Variants in ZDHHC1 observed in about 807,000 individuals in gnomAD.
ZDHHC1 encodes zDHHC palmitoyltransferase 1, also known as palmitoyltransferase ZDHHC1.
A neutral mutation model predicts 46.9 loss-of-function variants in ZDHHC1; 45 were observed. That is an observed-to-expected ratio of 0.96 (90% CI 0.76 to 1.23). ZDHHC1 has a LOEUF of 1.23. Ranked by LOEUF, ZDHHC1 falls within the 50% of genes most tolerant of loss-of-function variation. The pLI is 0.00. For synonymous variants in ZDHHC1, 291 were observed against 286.0 expected (o/e 1.02, Z -0.18); for missense variants, 649 against 670.8 (o/e 0.97, Z 0.36).
At chr16:67,402,749 C>T (rs1011370113) in intron 3 of ZDHHC1, among the ~76,000 whole-genome samples, 1 of 152,094 alleles carries the variant, frequency 6.6e-6, no homozygotes, top group Non-Finnish European at 1.5e-5. Context: ...GCCTCAGCCT[C>T]CCGAGTAGCT....
Position 67,394,808 on chromosome 16 carries a change from GGCGCCGGC to G in ZDHHC1, c.1243_1250del (p.Ala415LeufsTer81). Reference sequence around the variant, plus strand: ...CGGACTCTGCCGACGCCGAGTGGTAGGCGCCGGCAGGGCCAGCGGCGTGCACAGGGCTG... The same window carrying G: ...CGGACTCTGCCGACGCCGAGTGGTAGAGGGCCAGCGGCGTGCACAGGGCTG... On this transcript the variant is annotated frameshift_variant, in exon 12 of 12. Coordinates refer to ENST00000565726, the MANE Select transcript of ZDHHC1 (RefSeq NM_001323627.2). LOFTEE classifies it low-confidence loss of function (END_TRUNC). The G allele has an allele frequency of 6.5e-7, 1 of 1,526,938 alleles. No homozygotes were observed. 94.6% of individuals were successfully genotyped at this position (1,526,938 alleles called of 1,614,324 possible).
chr16:67,414,352 C>T (rs1018720208), intron 1 of ZDHHC1, among the ~76,000 whole-genome samples: 7 of 152,180 alleles, frequency 4.6e-5, no homozygotes, highest in African/African-American at 7.2e-5. Context: ...TTTACAAACC[C>T]GTCTCCCACA....
At chr16:67,402,568 G>A (rs1299988198) in intron 3 of ZDHHC1, among the ~76,000 whole-genome samples, 2 of 152,104 alleles carry the variant, frequency 1.3e-5, no homozygotes, top group South Asian at 4.1e-4. Context: ...GGCATTGAGG[G>A]ATACGGCAGG....
intron 3 of ZDHHC1, among the ~76,000 whole-genome samples, chr16:67,403,377 C>T (rs1397082593): frequency 6.6e-6 from 1 of 152,150 alleles, no homozygotes; most frequent in East Asian, 1.9e-4. Context: ...TGTTAACTAT[C>T]CTTCAATTCA....
At position 67,394,220 on chromosome 16, in the gene ZDHHC1, C is replaced by T. The variant is rs2040369277; in HGVS notation, c.*390G>A. ...TTTCTCTCGGCCTCCCAGTGCAAAG[C>T]CCATCTTTAAGAAAAATAACCTCCT... On this transcript the variant is annotated 3_prime_UTR_variant, in exon 12 of 12. Coordinates refer to ENST00000565726, the MANE Select transcript of ZDHHC1 (RefSeq NM_001323627.2). 6.6e-6 allele frequency among the ~76,000 whole-genome samples: 1 copy of T among 152,222 alleles called. No homozygotes were observed. Among genetic ancestry groups the T allele is most frequent in the African/African-American group, 2.4e-5 (1 of 41,472 alleles).
intron 3 of ZDHHC1, among the ~76,000 whole-genome samples, chr16:67,403,903 C>T (rs977174374): frequency 3.3e-5 from 5 of 152,162 alleles, no homozygotes; most frequent in Admixed American, 6.5e-5. Flanking sequence ...TGTGAACCAT[C>T]GCGCCCGGCC....
chr16:67,410,403 A>G (rs2040731465), intron 1 of ZDHHC1, among the ~76,000 whole-genome samples: 1 of 152,142 alleles, frequency 6.6e-6, no homozygotes, highest in South Asian at 2.1e-4. Context: ...GCCACAGAAC[A>G]AACCATAGAG....
chr16:67,415,425 C>T (rs1330011363), intron 1 of ZDHHC1, among the ~76,000 whole-genome samples: 3 of 151,484 alleles, frequency 2.0e-5, no homozygotes, highest in Non-Finnish European at 1.5e-5. Flanking sequence ...CACCACAGCA[C>T]TCCAGCCTGG....
chr16:67,398,154 G>A (rs1056173396), intron 8 of ZDHHC1, 58 bp downstream of exon 8: 24 of 1,536,352 alleles, frequency 1.6e-5, no homozygotes, highest in South Asian at 2.3e-5. Context: ...CTGGCTGCTC[G>A]CTGCACAGCC....
Position 67,394,375 on chromosome 16 carries a change from C to T in ZDHHC1, c.*235G>A, listed in dbSNP as rs2040372034. 1 of 207,628 alleles carries T rather than the reference C, an allele frequency of 4.8e-6. No individual in the cohort carries two copies. Among genetic ancestry groups the T allele is most frequent in the African/African-American group, 2.3e-5 (1 of 42,796 alleles). The allele number at this position is 207,628 out of a possible 1,614,324, so 12.9% of individuals were successfully genotyped here. On this transcript the variant is annotated 3_prime_UTR_variant, in exon 12 of 12. Transcript: ENST00000565726. ...CGGTCCACTGGCCAGGGTCGGGCTT[C>T]TGGATGGCCCGTGGCCCCTGCCATT...
At position 67,406,015 on chromosome 16, in the gene ZDHHC1, T is replaced by C. The variant is rs1429416448; in HGVS notation, c.252+185A>G. 6.6e-6 allele frequency among the ~76,000 whole-genome samples: 1 copy of C among 152,146 alleles called. No individual in the cohort carries two copies. Among genetic ancestry groups the C allele is most frequent in the African/African-American group, 2.4e-5 (1 of 41,438 alleles). ...AGGCATGCCCACTCACCCTATCAGG[T>C]GGAGAGGTCAGGTGGAGGCTGGAGA... On this transcript the variant is annotated intron_variant, in intron 3 of 11. Coordinates refer to ENST00000565726, the MANE Select transcript of ZDHHC1 (RefSeq NM_001323627.2). The surrounding 1 kb of genome is among the most constrained non-coding windows in gnomAD (Gnocchi z 4.1).
In ZDHHC1 at chr16:67,401,137, C is replaced by T; in HGVS notation, c.253-5G>A. The T allele has an allele frequency of 6.2e-7, 1 of 1,613,164 alleles. No homozygotes were observed. Among genetic ancestry groups the T allele is most frequent in the Non-Finnish European group, 8.5e-7 (1 of 1,179,808 alleles). ...AGCAAAGATGGCGCCCATGCACTGG[C>T]CCAGCAGGTTAAAGACTCACTCCAC... On this transcript the variant is annotated splice_polypyrimidine_tract_variant and splice_region_variant and intron_variant, in intron 3 of 11. Transcript: ENST00000565726. The surrounding 1 kb of genome is among the most constrained non-coding windows in gnomAD (Gnocchi z 4.6).
At position 67,399,543 on chromosome 16, in the gene ZDHHC1, G is replaced by A. The variant is rs1041629504; in HGVS notation, c.429-87C>T. On this transcript the variant is annotated intron_variant, in intron 4 of 11. Transcript: ENST00000565726. ...GTCGGGGTGGTTGAGTGGGGTCTGT[G>A]GAGGGACCAAGCGCCAGGCCTGAGA... is the stretch of plus-strand genomic sequence containing the variant. The A allele has an allele frequency of 5.3e-6, 6 of 1,133,920 alleles. No individual in the cohort carries two copies. In the African/African-American group the frequency reaches 9.4e-5, roughly 18 times the overall value. The allele number at this position is 1,133,920 out of a possible 1,614,324, so 70.2% of individuals were successfully genotyped here. A position where few individuals can be genotyped will look rare whatever the true frequency, so the allele number is the denominator to read the frequency against.
At chr16:67,399,213 T>C (rs1312178977) in intron 5 of ZDHHC1, 142 bp downstream of exon 5, 14 of 837,918 alleles carry the variant, frequency 1.7e-5, no homozygotes, top group Non-Finnish European at 2.2e-5. Context: ...TCACTCTCTC[T>C]GGGCAGCACC....
chr16:67,404,676 A>G (rs975271605), intron 3 of ZDHHC1: 6 of 455,276 alleles, frequency 1.3e-5, no homozygotes, highest in African/African-American at 1.0e-4. Context: ...GGTGCCCGCT[A>G]TGTGATCTCA....
intron 8 of ZDHHC1, among the ~76,000 whole-genome samples, chr16:67,397,370 G>A (rs915405027): frequency 6.6e-6 from 1 of 152,204 alleles, no homozygotes; most frequent in Non-Finnish European, 1.5e-5. Flanking sequence ...GCAGGTATAC[G>A]GTGGTGTAAC....
intron 8 of ZDHHC1, among the ~76,000 whole-genome samples, chr16:67,397,758 G>A (rs1468632651): frequency 1.3e-5 from 2 of 152,192 alleles, no homozygotes; most frequent in Non-Finnish European, 1.5e-5. Flanking sequence ...CCCAGACCCA[G>A]CTTGTGGTTA....
chr16:67,407,754 C>G lies in ZDHHC1; in HGVS notation c.9+13G>C, dbSNP rs969729505. On this transcript the variant is annotated intron_variant, in intron 2 of 11. Coordinates refer to ENST00000565726, the MANE Select transcript of ZDHHC1 (RefSeq NM_001323627.2). ...TCCCCTATGTCCCTTCCCCCAGGCA[C>G]CCAAAATTGTACCTTGTACATAGTA... 3.8e-6 allele frequency: 3 copies of G among 780,966 alleles called. No individual in the cohort carries two copies. In the Admixed American group the frequency reaches 5.1e-5, roughly 13 times the overall value. 48.4% of individuals were successfully genotyped at this position (780,966 alleles called of 1,614,324 possible). A position where few individuals can be genotyped will look rare whatever the true frequency, so the allele number is the denominator to read the frequency against.
intron 1 of ZDHHC1, among the ~76,000 whole-genome samples, chr16:67,408,630 C>T (rs990112681): frequency 2.6e-5 from 4 of 151,948 alleles, no homozygotes; most frequent in African/African-American, 4.8e-5. Context: ...AGAAATACAG[C>T]GGCGTGTTGC....
Sources: gnomAD v4.1 joint callset for allele counts (sites outside exome capture counted in the v4.1 genomes callset) on GRCh38, gnomAD v4.1.1 for gene constraint, Gnocchi (gnomAD v3.1) non-coding constraint, MANE v1.5 for transcripts, NCBI Gene and HGNC (gene_info 2026-07-23, HGNC 2026-07-21) for gene names.